Variants in FANCD2 observed in about 807,000 individuals in gnomAD.
FANCD2 encodes the protein FA complementation group D2, also known as Fanconi anemia group D2 protein.
A neutral mutation model predicts 192.3 loss-of-function variants in FANCD2; 131 were observed. The observed-to-expected ratio is 0.68, with a 90% confidence interval of 0.59 to 0.79. The LOEUF is 0.79. Ranked by LOEUF, FANCD2 falls within the 30% of genes least tolerant of loss-of-function variation. The pLI, the probability that FANCD2 is intolerant of heterozygous loss-of-function variation, is 0.00. For missense variants in FANCD2, 1,508 were observed against 1,701.6 expected (o/e 0.89, Z 2.00); for synonymous variants, 524 against 612.5 (o/e 0.86, Z 2.13).
chr3:10,035,232 A>C lies in FANCD2; in HGVS notation c.437A>C (p.Gln146Pro). The change falls in exon 6 of 44, where the codon CAG (glutamine) becomes CCG (proline). Residue 146 changes from glutamine (Q) to proline (P), a missense_variant and splice_region_variant. By Grantham distance (76) the Gln-to-Pro change is moderately conservative. Transcript: ENST00000675286. The part of the protein sequence containing the change: ...IKLLLGIDIL[Q>P]PAIIKTLFEK... The stretch of plus-strand genomic sequence containing the variant: ...CTGCTTCTGGGGATTGACATACTGC[A>C]GGTAAGACTGTCACTTTTTCTGTGA... The C allele has an allele frequency of 6.2e-7, 1 of 1,612,628 alleles. No homozygotes were observed. The highest frequency in any genetic ancestry group is 8.5e-7 in the Non-Finnish European group (1 of 1,178,714).
At chr3:10,073,686 G>A (rs569166690) in intron 28 of FANCD2, among the ~76,000 whole-genome samples, 4 of 152,184 alleles carry the variant, frequency 2.6e-5, no homozygotes, top group South Asian at 2.1e-4. Context: ...TGTACTGTTC[G>A]TAGAATGAGT....
At chr3:10,063,969 C>T in intron 21 of FANCD2, 58 bp downstream of exon 21, 1 of 1,612,780 alleles carries the variant, frequency 6.2e-7, no homozygotes, top group Non-Finnish European at 8.5e-7. Flanking sequence ...TTACTACACT[C>T]TTCAAGTCTT....
At chr3:10,091,310 G>A (rs1171014926) in intron 37 of FANCD2, among the ~76,000 whole-genome samples, 1 of 151,492 alleles carries the variant, frequency 6.6e-6, no homozygotes, top group African/African-American at 2.4e-5. Context: ...TGAACTCATA[G>A]GCTCAAGCAA....
chr3:10,044,862 T>C (rs1332752219), intron 14 of FANCD2, among the ~76,000 whole-genome samples: 2 of 152,222 alleles, frequency 1.3e-5, no homozygotes, highest in African/African-American at 4.8e-5. Flanking sequence ...TTTTACATAT[T>C]TGTAATCATT....
intron 18 of FANCD2, 76 bp downstream of exon 18, chr3:10,052,573 A>C (rs2087250560): frequency 2.1e-6 from 2 of 962,462 alleles, no homozygotes; most frequent in East Asian, 2.5e-5. Flanking sequence ...ACTGGAGTGC[A>C]GTTGGCACGA....
intron 18 of FANCD2, among the ~76,000 whole-genome samples, chr3:10,054,128 A>C (rs911155166): frequency 1.3e-5 from 2 of 151,614 alleles, no homozygotes; most frequent in African/African-American, 2.4e-5. Flanking sequence ...GGGAGGATCC[A>C]TTGAGCCCAG....
At chr3:10,064,302 G>T (rs2125033561) in intron 21 of FANCD2, 54 bp from the exon 22 acceptor site, 1 of 1,161,254 alleles carries the variant, frequency 8.6e-7, no homozygotes, top group South Asian at 1.2e-5. Context: ...TTTATCTAGG[G>T]CTGTACAGCA....
intron 2 of FANCD2, among the ~76,000 whole-genome samples, chr3:10,030,159 C>T (rs953150568): frequency 6.8e-6 from 1 of 146,996 alleles, no homozygotes; most frequent in African/African-American, 2.5e-5. Context: ...TGCAGTGGCA[C>T]AATCTTGGCT....
intron 18 of FANCD2, among the ~76,000 whole-genome samples, chr3:10,055,737 G>A (rs960993152): frequency 7.9e-5 from 12 of 151,970 alleles, no homozygotes; most frequent in East Asian, 3.9e-4. Flanking sequence ...GCGTGAACCC[G>A]GGATACGGAG....
In FANCD2 at chr3:10,088,937, C is replaced by T. The variant is rs1189879203; in HGVS notation, c.3670C>T (p.Pro1224Ser). ...SPKDASSSTF[P>S]TLTRHTFVVF... ...TAAAGATGCATCTTCCTCCACATTC[C>T]CTACACTGACCAGGTAAGGGAGTTC... The change falls in exon 36 of 44, where the codon CCT becomes TCT. Residue 1224 changes from proline to serine, a missense_variant. Physicochemically the swap from Pro to Ser is moderately conservative, Grantham distance 74. Transcript: ENST00000675286. 2 of 1,614,052 alleles carry T rather than the reference C, an allele frequency of 1.2e-6. No homozygotes were observed.
intron 30 of FANCD2, among the ~76,000 whole-genome samples, chr3:10,078,794 T>C (rs1559398075): frequency 6.6e-6 from 1 of 151,736 alleles, no homozygotes; most frequent in Non-Finnish European, 1.5e-5. Context: ...TGAAACCCCA[T>C]CTCTACTAAA....
intron 17 of FANCD2, among the ~76,000 whole-genome samples, chr3:10,050,945 G>T (rs1213071168): frequency 1.3e-5 from 2 of 151,924 alleles, no homozygotes; most frequent in Non-Finnish European, 2.9e-5. Flanking sequence ...AATTACCTGG[G>T]CATTGTGGTG....
At chr3:10,095,366 T>C (rs1694892570) in intron 41 of FANCD2, 92 bp downstream of exon 41, 1 of 1,025,278 alleles carries the variant, frequency 9.8e-7, no homozygotes, top group Non-Finnish European at 1.5e-6. Flanking sequence ...TCCTTCTTCC[T>C]TTATATCTGG....
chr3:10,061,288 C>T (rs2087560310), intron 19 of FANCD2, among the ~76,000 whole-genome samples: 1 of 152,208 alleles, frequency 6.6e-6, no homozygotes, highest in Non-Finnish European at 1.5e-5. Flanking sequence ...TCTAAGAAAT[C>T]TGCCTTTCTT....
intron 26 of FANCD2, among the ~76,000 whole-genome samples, chr3:10,068,180 A>G (rs1031482313): frequency 1.1e-4 from 17 of 152,174 alleles, no homozygotes; most frequent in Admixed American, 9.8e-4. Context: ...GGGCATCCAA[A>G]TTGGAAAGGA....
At chr3:10,078,479 C>T (rs906878298) in intron 30 of FANCD2, among the ~76,000 whole-genome samples, 5 of 151,972 alleles carry the variant, frequency 3.3e-5, no homozygotes, top group African/African-American at 7.2e-5. Context: ...CTCAGCCTCC[C>T]GAGTAGCTGG....
chr3:10,076,607 A>T (rs1028010411), intron 29 of FANCD2, among the ~76,000 whole-genome samples: 10 of 152,236 alleles, frequency 6.6e-5, no homozygotes, highest in African/African-American at 2.2e-4. Context: ...CAGTGGCAAG[A>T]TCATAGCTCA....
At chr3:10,054,684 C>T (rs112027741) in intron 18 of FANCD2, among the ~76,000 whole-genome samples, 4,570 of 149,654 alleles carry the variant, frequency 0.031, 246 homozygotes, top group African/African-American at 0.11. Context: ...GGGGTTTCAC[C>T]GTGTTAGCCA....
Position 10,074,688 on chromosome 3 carries a change from A to G in FANCD2, c.2859+15A>G, listed in dbSNP as rs995018058. On this transcript the variant is annotated intron_variant, in intron 29 of 43. Transcript: ENST00000675286. ...TGCACACTGAAGTAAGTGACAGGCT[A>G]GGATCTCAGAATTTAATCTTCTTTC... The G allele has an allele frequency of 6.2e-7, 1 of 1,612,694 alleles. No homozygotes were observed. Among genetic ancestry groups the G allele is most frequent in the Non-Finnish European group, 8.5e-7 (1 of 1,179,142 alleles).
Sources: allele counts gnomAD v4.1 joint callset (sites outside exome capture counted in the v4.1 genomes callset), GRCh38; gene constraint gnomAD v4.1.1; transcripts MANE v1.5; gene names NCBI Gene and HGNC (gene_info 2026-07-23, HGNC 2026-07-21).